Variants in EYS observed in about 807,000 individuals in gnomAD.
The protein encoded by EYS is EGF-like photoreceptor maintenance factor.
EYS carries 250 observed loss-of-function variants against 282.1 expected under a neutral mutation model. The observed-to-expected ratio is 0.89, with a 90% CI of 0.80 to 0.98. EYS has a LOEUF of 0.98. Ranked by LOEUF, EYS falls within the 50% of genes least tolerant of loss-of-function variation. The probability of loss-of-function intolerance (pLI) is 0.00; values close to 1 mark genes in which losing one functional copy is unlikely to be tolerated. For missense variants in EYS, 4,016 were observed against 3,709.0 expected (o/e 1.08, Z -2.15); for synonymous variants, 1,355 against 1,282.9 (o/e 1.06, Z -1.20).
intron 5 of EYS, among the ~76,000 whole-genome samples, chr6:65,418,831 G>C (rs930649637): frequency 1.9e-4 from 29 of 151,836 alleles, no homozygotes; most frequent in Non-Finnish European, 4.0e-4. Context: ...TTTTTTAGAA[G>C]AAATAAAGAG....
chr6:64,203,842 G>A (rs1337268909), intron 31 of EYS, among the ~76,000 whole-genome samples: 2 of 152,068 alleles, frequency 1.3e-5, no homozygotes, highest in East Asian at 1.9e-4. Context: ...ATTTATGTAC[G>A]AATGAACAAG....
intron 22 of EYS, among the ~76,000 whole-genome samples, chr6:64,771,144 A>G (rs986793877): frequency 2.6e-5 from 4 of 151,624 alleles, no homozygotes; most frequent in Admixed American, 1.3e-4. Flanking sequence ...TTTTCCTTCT[A>G]TGCTATATAT....
At chr6:65,262,094 C>T (rs1352192594) in intron 12 of EYS, among the ~76,000 whole-genome samples, 2 of 152,054 alleles carry the variant, frequency 1.3e-5, no homozygotes, top group Non-Finnish European at 2.9e-5. Context: ...TAAATCTCTG[C>T]ACCTGATTTA....
At chr6:64,669,318 C>A (rs1227477335) in intron 22 of EYS, among the ~76,000 whole-genome samples, 1 of 152,044 alleles carries the variant, frequency 6.6e-6, no homozygotes, top group African/African-American at 2.4e-5. Context: ...TGTACAGATT[C>A]TGATCTTTAT....
Position 64,959,252 on chromosome 6 carries a change from C to G in EYS, c.2260-13338G>C, listed in dbSNP as rs545073270. Reference sequence around the variant, plus strand: ...ATTCCTCAATAATAATTCCAAGAAGCAAATTTGCTGTAAAACTCATTAATT... The same window carrying G: ...ATTCCTCAATAATAATTCCAAGAAGGAAATTTGCTGTAAAACTCATTAATT... On this transcript the variant is annotated intron_variant, in intron 14 of 42. Transcript: ENST00000503581. Among the ~76,000 whole-genome samples, 4 of 152,276 alleles carry G rather than the reference C, an allele frequency of 2.6e-5. No individual in the cohort carries two copies. In the South Asian group the frequency reaches 6.2e-4, roughly 24 times the overall value.
chr6:64,198,946 G>A (rs565674912), intron 31 of EYS, among the ~76,000 whole-genome samples: 1 of 152,290 alleles, frequency 6.6e-6, no homozygotes, highest in East Asian at 1.9e-4. Flanking sequence ...CCCACCAACA[G>A]TGTAAAAGCG....
At position 64,592,267 on chromosome 6, in the gene EYS, G is replaced by A. The variant is rs1037025052; in HGVS notation, c.3878-278C>T. 2.6e-5 allele frequency among the ~76,000 whole-genome samples: 4 copies of A among 152,200 alleles called. No homozygotes were observed. In the South Asian group the frequency reaches 8.3e-4, roughly 32 times the overall value. On this transcript the variant is annotated intron_variant, in intron 25 of 42. Transcript: ENST00000503581. ...AGAATTGACATATTCCCAACTAAATGACTCCTTTGAATAAGAACACATGAA... is the reference window on the plus strand; with the variant it reads ...AGAATTGACATATTCCCAACTAAATAACTCCTTTGAATAAGAACACATGAA...
At chr6:64,040,311 T>C (rs1770327787) in intron 33 of EYS, among the ~76,000 whole-genome samples, 1 of 151,912 alleles carries the variant, frequency 6.6e-6, no homozygotes, top group African/African-American at 2.4e-5. Flanking sequence ...GCTATGGGGG[T>C]GGTGGTGAAT....
At chr6:63,986,564 C>CT in intron 34 of EYS, among the ~76,000 whole-genome samples, 1 of 151,786 alleles carries the variant, frequency 6.6e-6, no homozygotes. Context: ...AAATGTGGTA[C>CT]ATATACACCA....
intron 12 of EYS, among the ~76,000 whole-genome samples, chr6:65,207,077 G>T (rs1199949926): frequency 6.6e-6 from 1 of 151,740 alleles, no homozygotes; most frequent in Non-Finnish European, 1.5e-5. Flanking sequence ...AGAACAGGAA[G>T]TCAAATTATC....
intron 30 of EYS, among the ~76,000 whole-genome samples, chr6:64,257,854 C>G (rs1767454321): frequency 6.6e-6 from 1 of 151,936 alleles, no homozygotes. Context: ...TACACTGTGA[C>G]AACAGAAAAC....
chr6:65,317,371 A>G (rs1471891213), intron 11 of EYS, among the ~76,000 whole-genome samples: 1 of 152,212 alleles, frequency 6.6e-6, no homozygotes, highest in East Asian at 1.9e-4. Context: ...TTTTACTACT[A>G]TAAAGCTACA....
chr6:64,180,763 A>T (rs551556016), intron 31 of EYS, among the ~76,000 whole-genome samples: 2 of 152,142 alleles, frequency 1.3e-5, no homozygotes, highest in Non-Finnish European at 2.9e-5. Flanking sequence ...AAAGATTCCA[A>T]AAAAAGATCT....
rs191560967 is a variant in EYS at position 65,230,286 on chromosome 6, A to G, written c.2023+65577T>C. Among the ~76,000 whole-genome samples the G allele has an allele frequency of 1.6e-3, 238 of 151,990 alleles. 2 individuals are homozygous for G. Among genetic ancestry groups the G allele is most frequent in the Non-Finnish European group, 1.0e-4 (7 of 67,806 alleles). ...ACACTGTGTTTTGTTCCATAACTGG[A>G]CAGATTTTAAAATCCAATAAAGAAA... is the stretch of plus-strand genomic sequence containing the variant. On this transcript the variant is annotated intron_variant, in intron 12 of 42. Coordinates refer to ENST00000503581, the MANE Select transcript of EYS (RefSeq NM_001142800.2).
At chr6:63,914,716 CAAAA>C (rs35792083) in intron 35 of EYS, among the ~76,000 whole-genome samples, 1 of 138,098 alleles carries the variant, frequency 7.2e-6, no homozygotes. Context: ...TCAACCGTCT[CAAAA>C]AAAAAAAAAA....
intron 19 of EYS, among the ~76,000 whole-genome samples, chr6:64,872,569 C>G (rs1214478885): frequency 6.6e-6 from 1 of 151,998 alleles, no homozygotes; most frequent in African/African-American, 2.4e-5. Context: ...CTTATAGCCC[C>G]TCTGCTTCCA....
At chr6:64,479,981 G>A (rs1776387463) in intron 26 of EYS, among the ~76,000 whole-genome samples, 1 of 151,904 alleles carries the variant, frequency 6.6e-6, no homozygotes, top group Non-Finnish European at 1.5e-5. Context: ...GCTTCCAAAT[G>A]AGCATTCAGA....
chr6:65,385,628 C>T (rs1765770717), intron 7 of EYS, among the ~76,000 whole-genome samples: 1 of 151,846 alleles, frequency 6.6e-6, no homozygotes, highest in Non-Finnish European at 1.5e-5. Context: ...GAAACATACC[C>T]ATGGAAATTA....
chr6:65,476,161 T>C (rs1765397355), intron 5 of EYS, among the ~76,000 whole-genome samples: 1 of 152,130 alleles, frequency 6.6e-6, no homozygotes, highest in South Asian at 2.1e-4. Flanking sequence ...AGTGAAACCT[T>C]GGGTTCTAAA....
Sources: gnomAD v4.1 joint callset for allele counts (sites outside exome capture counted in the v4.1 genomes callset) on GRCh38, gnomAD v4.1.1 for gene constraint, MANE v1.5 for transcripts, NCBI Gene and HGNC (gene_info 2026-07-23, HGNC 2026-07-21) for gene names.